TCF20: variants seen among roughly 807,000 people sequenced by gnomAD.
TCF20 encodes transcription factor 20.
TCF20 carries 3 observed loss-of-function variants against 148.6 expected under a neutral mutation model. The ratio of observed to expected loss-of-function variants is 0.02; its 90% CI spans 0.01 to 0.05. The LOEUF is 0.05. Ranked by LOEUF, TCF20 falls within the 10% of genes least tolerant of loss-of-function variation. TCF20 has a pLI of 1.00. For missense variants in TCF20, 2,350 were observed against 2,429.3 expected (o/e 0.97, Z 0.69); for synonymous variants, 1,049 against 909.5 (o/e 1.15, Z -2.76).
intron 1 of TCF20, among the ~76,000 whole-genome samples, chr22:42,294,310 G>A (rs1423344817): frequency 2.6e-5 from 4 of 152,170 alleles, no homozygotes; most frequent in South Asian, 2.1e-4. Context: ...CCCCTCTCCC[G>A]GAGGACAGAT....
Position 42,323,932 on chromosome 22 carries a change from GTGGTGGTGGTGATGGAGGTTA to G in TCF20, c.-37+19526_-37+19546del, listed in dbSNP as rs1569209725. Among the ~76,000 whole-genome samples the G allele has an allele frequency of 1.4e-4, 18 of 124,814 alleles. 1 individual carries two copies. The highest frequency in any genetic ancestry group is 4.1e-4 in the Admixed American group (5 of 12,256). The allele number at this position is 124,814 out of a possible 152,430, so 81.9% of individuals were successfully genotyped here. Reference sequence around the variant, plus strand: ...GGTGGTGGTGATGGAGGTTATGGTGGTGGTGGTGGTGATGGAGGTTATGGTGGTGGTGGTGATGGTGGTGGT... The same window carrying G: ...GGTGGTGGTGATGGAGGTTATGGTGGTGGTGGTGGTGGTGATGGTGGTGGT... On this transcript the variant is annotated intron_variant, in intron 1 of 1. Coordinates refer to the TCF20 transcript ENST00000515426.
chr22:42,223,208 G>A (rs987542025), intron 1 of TCF20, among the ~76,000 whole-genome samples: 1 of 152,042 alleles, frequency 6.6e-6, no homozygotes, highest in East Asian at 1.9e-4. Context: ...GTCACTGTGT[G>A]GTTTTACCTG....
chr22:42,312,568 G>C (rs904087500), intron 1 of TCF20, among the ~76,000 whole-genome samples: 8 of 152,138 alleles, frequency 5.3e-5, no homozygotes. Flanking sequence ...CAAAGCCCAA[G>C]GTGATGACCC....
At chr22:42,202,227 A>C (rs963610751) in intron 2 of TCF20, among the ~76,000 whole-genome samples, 7 of 152,220 alleles carry the variant, frequency 4.6e-5, no homozygotes, top group Non-Finnish European at 7.3e-5. Context: ...ATCTTTACTA[A>C]GACAACAATG....
chr22:42,274,138 C>T (rs937800604), upstream of TCF20: 1 of 152,742 alleles, frequency 6.5e-6, no homozygotes, highest in African/African-American at 2.4e-5. Context: ...AGAGGGAGGC[C>T]TGGAATTCCT....
In TCF20 at chr22:42,193,896, C is replaced by T. The variant is rs923647989; in HGVS notation, c.5656-14194G>A. ...CTCTCCTTTGGGCCTTGTCTCTGGGCAGTGTGGTGGTCGTATAATAAAAGG... is the reference window on the plus strand; with the variant it reads ...CTCTCCTTTGGGCCTTGTCTCTGGGTAGTGTGGTGGTCGTATAATAAAAGG... On this transcript the variant is annotated intron_variant, in intron 2 of 5. Transcript: ENST00000677622. Among the ~76,000 whole-genome samples, 10 of 152,090 alleles carry T rather than the reference C, an allele frequency of 6.6e-5. No individual in the cohort carries two copies. In the East Asian group the frequency reaches 1.9e-3, roughly 29 times the overall value.
chr22:42,200,178 A>C (rs1438012222), intron 2 of TCF20, among the ~76,000 whole-genome samples: 1 of 152,176 alleles, frequency 6.6e-6, no homozygotes, highest in Non-Finnish European at 1.5e-5. Context: ...TTTCTTGTCT[A>C]ATACATATTA....
At chr22:42,333,959 T>G (rs1033131925) in intron 1 of TCF20, among the ~76,000 whole-genome samples, 1 of 152,208 alleles carries the variant, frequency 6.6e-6, no homozygotes, top group Admixed American at 6.5e-5. Flanking sequence ...GGCTGGAGTT[T>G]AGCAGACTCC....
intron 1 of TCF20, among the ~76,000 whole-genome samples, chr22:42,224,210 G>A (rs893635400): frequency 1.3e-5 from 2 of 152,030 alleles, no homozygotes; most frequent in East Asian, 1.9e-4. Flanking sequence ...AGTGGCTCAC[G>A]CCTGTAATAC....
At chr22:42,242,389 A>C (rs1326627232) in intron 1 of TCF20, among the ~76,000 whole-genome samples, 1 of 151,958 alleles carries the variant, frequency 6.6e-6, no homozygotes, top group Non-Finnish European at 1.5e-5. Context: ...TGGTGAATAC[A>C]AAACAGATGG....
At chr22:42,295,024 A>G (rs1467807580) in intron 1 of TCF20, among the ~76,000 whole-genome samples, 2 of 152,188 alleles carry the variant, frequency 1.3e-5, no homozygotes, top group Non-Finnish European at 2.9e-5. Flanking sequence ...GGTTGGGCCC[A>G]CCTGGAACAC....
chr22:42,277,703 AGAT>A (rs1266867840), intron 1 of TCF20, among the ~76,000 whole-genome samples: 1 of 151,984 alleles, frequency 6.6e-6, no homozygotes, highest in East Asian at 1.9e-4. Context: ...CAAAAAGAGG[AGAT>A]GATGAAGGAT....
chr22:42,321,610 A>C (rs1341775787), intron 1 of TCF20, among the ~76,000 whole-genome samples: 1 of 151,770 alleles, frequency 6.6e-6, no homozygotes, highest in Admixed American at 6.6e-5. Flanking sequence ...ACCTATAACT[A>C]GCAAATCGCT....
intron 1 of TCF20, among the ~76,000 whole-genome samples, chr22:42,242,898 A>G (rs1387894075): frequency 6.6e-6 from 1 of 152,048 alleles, no homozygotes; most frequent in African/African-American, 2.4e-5. Context: ...AAAAAAGAAA[A>G]AAGACATGCA....
At chr22:42,262,561 T>C (rs1926086388) in intron 1 of TCF20, among the ~76,000 whole-genome samples, 1 of 152,024 alleles carries the variant, frequency 6.6e-6, no homozygotes, top group Non-Finnish European at 1.5e-5. Context: ...CTAGAAGACA[T>C]CTAGCTGAAG....
intron 1 of TCF20, among the ~76,000 whole-genome samples, chr22:42,218,731 G>A (rs1230496263): frequency 1.3e-5 from 2 of 151,920 alleles, no homozygotes; most frequent in Non-Finnish European, 2.9e-5. Flanking sequence ...AGAGCTAAAG[G>A]CCACTTTAAA....
At chr22:42,193,704 C>T (rs1272880376) in intron 2 of TCF20, among the ~76,000 whole-genome samples, 1 of 152,062 alleles carries the variant, frequency 6.6e-6, no homozygotes. Context: ...TTATTAACTC[C>T]ATTTTACAGG....
At chr22:42,337,683 G>A (rs2077287409) in intron 1 of TCF20, among the ~76,000 whole-genome samples, 1 of 152,180 alleles carries the variant, frequency 6.6e-6, no homozygotes, top group African/African-American at 2.4e-5. Context: ...AATAGCTTGA[G>A]CAAAAAAGAG....
intron 1 of TCF20, among the ~76,000 whole-genome samples, chr22:42,329,954 C>A (rs975762086): frequency 4.0e-4 from 61 of 152,164 alleles, no homozygotes; most frequent in African/African-American, 1.5e-3. Context: ...GGTCCTGGCC[C>A]AGAGTAATAG....
Sources: allele counts gnomAD v4.1 joint callset (sites outside exome capture counted in the v4.1 genomes callset), GRCh38; gene constraint gnomAD v4.1.1; transcripts MANE v1.5; gene names NCBI Gene and HGNC (gene_info 2026-07-23, HGNC 2026-07-21).